Variants in CSMD1 observed in about 807,000 individuals in gnomAD.
The protein encoded by CSMD1 is CUB and sushi domain-containing protein 1.
A neutral mutation model predicts 417.5 loss-of-function variants in CSMD1; 213 were observed. The ratio of observed to expected loss-of-function variants is 0.51; its 90% CI spans 0.46 to 0.57. CSMD1 has a LOEUF of 0.57. Ranked by LOEUF, CSMD1 falls within the 20% of genes least tolerant of loss-of-function variation. The pLI is 0.00. For missense variants in CSMD1, 6,923 were observed against 4,529.7 expected, an observed-to-expected ratio of 1.53 and a Z score of -15.17; for synonymous variants, 2,862 against 1,736.8, an observed-to-expected ratio of 1.65 and a Z score of -16.11.
At chr8:4,037,914 G>A (rs928881151) in intron 3 of CSMD1, among the ~76,000 whole-genome samples, 1 of 151,814 alleles carries the variant, frequency 6.6e-6, no homozygotes, top group Non-Finnish European at 1.5e-5. Context: ...AAGCTTAGTG[G>A]GAATAGGAAA....
At chr8:4,104,490 T>G (rs1164470729) in intron 3 of CSMD1, among the ~76,000 whole-genome samples, 1 of 152,234 alleles carries the variant, frequency 6.6e-6, no homozygotes, top group Non-Finnish European at 1.5e-5. Context: ...CTATTGAATT[T>G]TCTTGCTTTC....
chr8:3,076,437 A>G (rs1813695767), intron 49 of CSMD1, among the ~76,000 whole-genome samples: 1 of 152,252 alleles, frequency 6.6e-6, no homozygotes. Flanking sequence ...ACTGGCAGTT[A>G]GGACTCTAAC....
chr8:4,496,305 T>C (rs534124780), intron 2 of CSMD1, among the ~76,000 whole-genome samples: 36 of 152,294 alleles, frequency 2.4e-4, no homozygotes, highest in Admixed American at 7.2e-4. Flanking sequence ...TGAACAATGG[T>C]TCAGGATCAA....
intron 5 of CSMD1, among the ~76,000 whole-genome samples, chr8:3,886,566 G>C (rs560842466): frequency 1.2e-4 from 18 of 152,334 alleles, no homozygotes; most frequent in Middle Eastern, 3.4e-3. Context: ...AAGCGTGGCT[G>C]TGTTGCAGGA....
chr8:4,313,298 G>C (rs747988817), intron 3 of CSMD1, among the ~76,000 whole-genome samples: 8 of 152,084 alleles, frequency 5.3e-5, no homozygotes, highest in East Asian at 1.9e-4. Flanking sequence ...GAAGAATCTG[G>C]TTAATAGCTA....
intron 5 of CSMD1, among the ~76,000 whole-genome samples, chr8:3,854,255 AT>A (rs903518874): frequency 1.9e-4 from 28 of 151,154 alleles, no homozygotes; most frequent in South Asian, 4.2e-4. Context: ...GGAGTAATAC[AT>A]TTAACTCCAA....
intron 3 of CSMD1, among the ~76,000 whole-genome samples, chr8:4,381,573 C>T (rs1017340370): frequency 6.6e-6 from 1 of 151,894 alleles, no homozygotes; most frequent in African/African-American, 2.4e-5. Flanking sequence ...GCAATTCTGC[C>T]CAAAAGCAAT....
At chr8:4,023,864 G>C (rs1034476080) in intron 4 of CSMD1, among the ~76,000 whole-genome samples, 1 of 137,686 alleles carries the variant, frequency 7.3e-6, no homozygotes, top group Admixed American at 8.2e-5. Context: ...GGATCTGCCC[G>C]CCTTGGCCTC....
intron 1 of CSMD1, among the ~76,000 whole-genome samples, chr8:4,909,866 G>A (rs967424085): frequency 6.6e-6 from 1 of 152,184 alleles, no homozygotes; most frequent in Admixed American, 6.5e-5. Flanking sequence ...TGGGTTCAGA[G>A]AAGTCATTGA....
At chr8:4,988,569 A>G (rs1811298846) in intron 1 of CSMD1, among the ~76,000 whole-genome samples, 1 of 152,248 alleles carries the variant, frequency 6.6e-6, no homozygotes, top group South Asian at 2.1e-4. Flanking sequence ...TTGAAATGTT[A>G]TTCCTTGGTG....
intron 1 of CSMD1, chr8:4,787,457 C>T (rs1585097590): frequency 2.5e-6 from 2 of 784,924 alleles, no homozygotes; most frequent in Middle Eastern, 2.9e-4. Flanking sequence ...TAGAAAGAAT[C>T]ACCTGGAAGG....
chr8:3,145,455 C>G (rs1818785325), intron 40 of CSMD1, among the ~76,000 whole-genome samples: 1 of 152,004 alleles, frequency 6.6e-6, no homozygotes, highest in African/African-American at 2.4e-5. Flanking sequence ...TGGAGGACAT[C>G]CAACGTCTCA....
intron 3 of CSMD1, among the ~76,000 whole-genome samples, chr8:4,213,791 C>T (rs144021197): frequency 4.9e-4 from 74 of 152,128 alleles, no homozygotes; most frequent in South Asian, 1.0e-3. Context: ...GAGGGTGGAA[C>T]GCAAACTAAC....
chr8:3,553,132 AAAAG>A (rs1179495230), intron 10 of CSMD1, among the ~76,000 whole-genome samples: 2 of 151,938 alleles, frequency 1.3e-5, no homozygotes, highest in African/African-American at 4.8e-5. Context: ...GAGAAAAAAA[AAAAG>A]AAAGGAAAGA....
At chr8:3,075,956 C>G (rs1813643132) in intron 49 of CSMD1, among the ~76,000 whole-genome samples, 1 of 150,638 alleles carries the variant, frequency 6.6e-6, no homozygotes, top group Admixed American at 6.6e-5. Flanking sequence ...GACGCTGAGG[C>G]AGGAGAATGG....
intron 3 of CSMD1, among the ~76,000 whole-genome samples, chr8:4,221,119 C>G (rs1007921091): frequency 6.6e-6 from 1 of 152,136 alleles, no homozygotes; most frequent in Non-Finnish European, 1.5e-5. Context: ...ACGGACAAGA[C>G]AGAGAATAGA....
At chr8:4,726,406 C>G (rs976002025) in intron 1 of CSMD1, among the ~76,000 whole-genome samples, 3 of 152,098 alleles carry the variant, frequency 2.0e-5, no homozygotes, top group Admixed American at 1.3e-4. Flanking sequence ...GCACTCTACC[C>G]TTTAGTGTAG....
chr8:4,452,397 G>A (rs138609775), intron 2 of CSMD1, among the ~76,000 whole-genome samples: 2 of 152,312 alleles, frequency 1.3e-5, no homozygotes, highest in South Asian at 2.1e-4. Context: ...AGGGCTTGGG[G>A]TTCAGAGGTT....
intron 12 of CSMD1, among the ~76,000 whole-genome samples, chr8:3,420,249 C>T (rs1030175410): frequency 2.0e-4 from 30 of 151,972 alleles, no homozygotes; most frequent in Non-Finnish European, 1.6e-4. Context: ...ACAAGAAAAG[C>T]ATCAGATAAA....
Sources: allele counts gnomAD v4.1 joint callset (sites outside exome capture counted in the v4.1 genomes callset), GRCh38; gene constraint gnomAD v4.1.1; transcripts MANE v1.5; gene names NCBI Gene and HGNC (gene_info 2026-07-23, HGNC 2026-07-21).